Variants in DENND2B observed in about 807,000 individuals in gnomAD.
DENND2B encodes the protein DENN domain containing 2B, also known as DENN domain-containing protein 2B.
DENND2B carries 32 observed loss-of-function variants against 116.0 expected under a neutral mutation model. The ratio of observed to expected loss-of-function variants is 0.28; its 90% CI spans 0.21 to 0.37. The LOEUF (loss-of-function observed/expected upper bound fraction) is 0.37. Among genes scored for constraint, DENND2B ranks in the 10% least tolerant of loss-of-function variants. The pLI is 1.00. For missense variants in DENND2B, 1,276 were observed against 1,477.7 expected (o/e 0.86, Z 2.24); for synonymous variants, 588 against 583.9 (o/e 1.01, Z -0.10).
At chr11:8,891,458 G>C (rs1026315626) in intron 1 of DENND2B, among the ~76,000 whole-genome samples, 4 of 152,282 alleles carry the variant, frequency 2.6e-5, no homozygotes, top group Non-Finnish European at 4.4e-5. Flanking sequence ...ATTGGATAAA[G>C]AGTCAAGACC....
intron 13 of DENND2B, among the ~76,000 whole-genome samples, chr11:8,704,776 C>T (rs1173238143): frequency 6.6e-6 from 1 of 152,194 alleles, no homozygotes; most frequent in Non-Finnish European, 1.5e-5. Flanking sequence ...TGACTCACTA[C>T]AATCTTCACC....
At chr11:8,816,195 C>T (rs1329133555) in intron 4 of DENND2B, among the ~76,000 whole-genome samples, 4 of 152,058 alleles carry the variant, frequency 2.6e-5, no homozygotes, top group African/African-American at 9.7e-5. Context: ...GTTTCTAATG[C>T]CCCCCAGACT....
intron 1 of DENND2B, among the ~76,000 whole-genome samples, chr11:8,789,790 TA>T (rs2059222775): frequency 1.3e-5 from 2 of 151,540 alleles, no homozygotes; most frequent in African/African-American, 4.9e-5. Context: ...AATAAAAAAA[TA>T]AAAAAATAGC....
chr11:8,764,884 G>A (rs2055347811), intron 1 of DENND2B, among the ~76,000 whole-genome samples: 1 of 143,788 alleles, frequency 7.0e-6, no homozygotes, highest in Non-Finnish European at 1.5e-5. Context: ...GGCAGAGGTT[G>A]CAGTGAGCTG....
At position 8,738,156 on chromosome 11, in the gene DENND2B, G is replaced by A. The variant is rs528763034; in HGVS notation, c.81-6947C>T. ...CTTGAGTAGGCAACGAAGAGGTGGG[G>A]ACCCAACGCCCGTCTAAAAGGGCTG... On this transcript the variant is annotated intron_variant, in intron 2 of 19. Coordinates refer to ENST00000313726, the MANE Select transcript of DENND2B (RefSeq NM_213618.2). Among the ~76,000 whole-genome samples the A allele has an allele frequency of 2.6e-5, 4 of 152,284 alleles. No individual in the cohort carries two copies. In the East Asian group the frequency reaches 5.8e-4, roughly 22 times the overall value.
intron 5 of DENND2B, among the ~76,000 whole-genome samples, chr11:8,717,254 TCA>T (rs1390629862): frequency 6.6e-6 from 1 of 152,192 alleles, no homozygotes; most frequent in Non-Finnish European, 1.5e-5. Flanking sequence ...GCTCCAGGTG[TCA>T]CAGACACCTG....
rs71059187 is a variant in DENND2B at position 8,854,016 on chromosome 11, A to ATTTTTTTTT, written c.-156+3318_-156+3326dup. Among the ~76,000 whole-genome samples, 284 of 62,774 alleles carry ATTTTTTTTT rather than the reference A, an allele frequency of 4.5e-3. 9 individuals carry two copies. The highest frequency in any genetic ancestry group is 5.8e-3 in the East Asian group (10 of 1,712). The allele number at this position is 62,774 out of a possible 152,430, so 41.2% of individuals were successfully genotyped here. On this transcript the variant is annotated intron_variant, in intron 3 of 6. Coordinates refer to the DENND2B transcript ENST00000524757. ...GGTGAATGCCACCATGCCCCAGTTA[A>ATTTTTTTTT]TTTTTTTTTTTTTTTTTTTTTTTTT... is the stretch of plus-strand genomic sequence containing the variant.
chr11:8,904,326 A>G (rs1478306470), intron 1 of DENND2B, among the ~76,000 whole-genome samples: 1 of 152,240 alleles, frequency 6.6e-6, no homozygotes, highest in Non-Finnish European at 1.5e-5. Flanking sequence ...AACTTCAAAA[A>G]TCATTCATGA....
intron 1 of DENND2B, among the ~76,000 whole-genome samples, chr11:8,890,713 C>T (rs2134742517): frequency 6.6e-6 from 1 of 152,248 alleles, no homozygotes; most frequent in Admixed American, 6.5e-5. Flanking sequence ...AAGAAATGAA[C>T]AAAGCCTTCA....
At chr11:8,880,352 T>A (rs796131251) in intron 2 of DENND2B, among the ~76,000 whole-genome samples, 4 of 76,236 alleles carry the variant, frequency 5.2e-5, no homozygotes, top group African/African-American at 1.3e-4. Flanking sequence ...GAACTGTGTG[T>A]GTGTGTGTGT....
chr11:8,820,602 G>A (rs2061724645), intron 4 of DENND2B, among the ~76,000 whole-genome samples: 1 of 152,174 alleles, frequency 6.6e-6, no homozygotes, highest in Non-Finnish European at 1.5e-5. Flanking sequence ...GAGGGTGTGT[G>A]TGTATGTGCA....
intron 1 of DENND2B, among the ~76,000 whole-genome samples, chr11:8,756,528 CAG>C (rs1213016286): frequency 2.6e-5 from 4 of 152,230 alleles, no homozygotes; most frequent in Non-Finnish European, 5.9e-5. Context: ...GAGAACCTCA[CAG>C]GGGCGCACTA....
intron 3 of DENND2B, among the ~76,000 whole-genome samples, chr11:8,853,043 C>T (rs986719191): frequency 5.3e-5 from 8 of 152,278 alleles, no homozygotes; most frequent in African/African-American, 1.9e-4. Flanking sequence ...AGGGCTCTGT[C>T]CTCATAAGCA....
At chr11:8,887,377 A>G (rs949023815) in intron 1 of DENND2B, among the ~76,000 whole-genome samples, 1 of 152,180 alleles carries the variant, frequency 6.6e-6, no homozygotes, top group African/African-American at 2.4e-5. Flanking sequence ...ATTTGCCTGA[A>G]ACATTTGCTA....
At chr11:8,753,335 TAATA>T (rs2052908788) in intron 1 of DENND2B, among the ~76,000 whole-genome samples, 1 of 151,920 alleles carries the variant, frequency 6.6e-6, no homozygotes. Context: ...GCAGCAAAAA[TAATA>T]AATCACTTAG....
At chr11:8,749,492 AG>A (rs1168690572) in intron 2 of DENND2B, among the ~76,000 whole-genome samples, 1 of 152,238 alleles carries the variant, frequency 6.6e-6, no homozygotes, top group Non-Finnish European at 1.5e-5. Flanking sequence ...TAGTCCATCC[AG>A]ACTGTTTCTA....
chr11:8,786,932 T>C (rs971632983), intron 1 of DENND2B: 1 of 152,250 alleles, frequency 6.6e-6, no homozygotes, highest in African/African-American at 2.4e-5. Flanking sequence ...GACTATGGCC[T>C]CTCTTTACCA....
intron 1 of DENND2B, among the ~76,000 whole-genome samples, chr11:8,901,899 G>A (rs893444859): frequency 2.0e-5 from 3 of 152,314 alleles, no homozygotes; most frequent in East Asian, 1.9e-4. Context: ...TTTGGAGAAT[G>A]TTCTGGGAGT....
intron 2 of DENND2B, 139 bp from the exon 3 acceptor site, chr11:8,731,348 T>C: frequency 1.2e-6 from 1 of 842,820 alleles, no homozygotes; most frequent in Non-Finnish European, 1.7e-6. Context: ...ATTCAAGTAA[T>C]ATACCTTGAA....
Sources: gnomAD v4.1 joint callset for allele counts (sites outside exome capture counted in the v4.1 genomes callset) on GRCh38, gnomAD v4.1.1 for gene constraint, MANE v1.5 for transcripts, NCBI Gene and HGNC (gene_info 2026-07-23, HGNC 2026-07-21) for gene names.